Variants in BCKDHB observed in about 807,000 individuals in gnomAD.
BCKDHB encodes 2-oxoisovalerate dehydrogenase subunit beta, mitochondrial.
A neutral mutation model predicts 48.5 loss-of-function variants in BCKDHB; 41 were observed. The ratio of observed to expected loss-of-function variants is 0.85; its 90% CI spans 0.66 to 1.10. The LOEUF is 1.10. Among genes scored for constraint, BCKDHB ranks in the 50% least tolerant of loss-of-function variants. The pLI is 0.00. For synonymous variants in BCKDHB, 201 were observed against 174.8 expected (o/e 1.15, Z -1.18); for missense variants, 496 against 494.2 (o/e 1.00, Z -0.03).
At chr6:80,316,992 T>G (rs1273462756) in intron 9 of BCKDHB, among the ~76,000 whole-genome samples, 1 of 152,212 alleles carries the variant, frequency 6.6e-6, no homozygotes, top group African/African-American at 2.4e-5. Context: ...GCTGTCAACC[T>G]TTTATAAATT....
intron 8 of BCKDHB, among the ~76,000 whole-genome samples, chr6:80,246,251 C>T (rs1437351179): frequency 6.6e-6 from 1 of 152,124 alleles, no homozygotes; most frequent in Non-Finnish European, 1.5e-5. Flanking sequence ...ATGTGAGTTT[C>T]TCAGTGCATG....
At chr6:80,143,985 A>G (rs1334661593) in intron 3 of BCKDHB, among the ~76,000 whole-genome samples, 1 of 152,158 alleles carries the variant, frequency 6.6e-6, no homozygotes, top group Non-Finnish European at 1.5e-5. Context: ...AGCAGAAACA[A>G]AGAAACTTGT....
At chr6:80,279,315 A>T (rs1241334697) in intron 9 of BCKDHB, among the ~76,000 whole-genome samples, 1 of 151,718 alleles carries the variant, frequency 6.6e-6, no homozygotes, top group Non-Finnish European at 1.5e-5. Flanking sequence ...TGCCACGCCC[A>T]TCTAATTTTT....
chr6:80,417,273 A>G, the BCKDHB span, among the ~76,000 whole-genome samples: 1 of 152,016 alleles, frequency 6.6e-6, no homozygotes, highest in Non-Finnish European at 1.5e-5. Context: ...CAGAGACATT[A>G]TATCAGTGGG....
chr6:80,293,612 G>C (rs990661019), intron 9 of BCKDHB, among the ~76,000 whole-genome samples: 1 of 152,146 alleles, frequency 6.6e-6, no homozygotes, highest in Non-Finnish European at 1.5e-5. Flanking sequence ...TTAACATTGG[G>C]CTCCTTATTA....
At chr6:80,294,442 C>T (rs377186315) in intron 9 of BCKDHB, among the ~76,000 whole-genome samples, 1 of 152,174 alleles carries the variant, frequency 6.6e-6, no homozygotes, top group South Asian at 2.1e-4. Flanking sequence ...CAAGGGAAGA[C>T]AACCGTTAGG....
chr6:80,140,237 T>C (rs560852329), intron 3 of BCKDHB, among the ~76,000 whole-genome samples: 1 of 152,346 alleles, frequency 6.6e-6, no homozygotes, highest in East Asian at 1.9e-4. Flanking sequence ...TATACAATCA[T>C]GTAATCTGCA....
At position 80,107,705 on chromosome 6, in the gene BCKDHB, T is replaced by C. The variant is rs189986599; in HGVS notation, c.196+816T>C. On this transcript the variant is annotated intron_variant, in intron 1 of 9. Coordinates refer to ENST00000320393, the MANE Select transcript of BCKDHB (RefSeq NM_183050.4). ...CAGACTTTCTACTTGAGCTTAGTACTGAGCTTGTCCTGGGCTATGCTGCCA... is the reference window on the plus strand; with the variant it reads ...CAGACTTTCTACTTGAGCTTAGTACCGAGCTTGTCCTGGGCTATGCTGCCA... Among the ~76,000 whole-genome samples, 84 of 151,836 alleles carry C rather than the reference T, an allele frequency of 5.5e-4. 1 individual carries two copies. Among genetic ancestry groups the C allele is most frequent in the Middle Eastern group, 3.4e-3 (1 of 294 alleles).
chr6:80,452,465 A>C, the BCKDHB span, among the ~76,000 whole-genome samples: 1 of 152,224 alleles, frequency 6.6e-6, no homozygotes, highest in Non-Finnish European at 1.5e-5. Context: ...CAGGGGATAT[A>C]AGAATAAAAA....
chr6:80,308,533 G>T (rs1405313550), intron 9 of BCKDHB, among the ~76,000 whole-genome samples: 8 of 150,982 alleles, frequency 5.3e-5, no homozygotes, highest in African/African-American at 1.9e-4. Context: ...TAATTAAACA[G>T]TACTACTCAG....
intron 6 of BCKDHB, among the ~76,000 whole-genome samples, chr6:80,192,508 A>G (rs1773944863): frequency 6.6e-6 from 1 of 152,232 alleles, no homozygotes; most frequent in Non-Finnish European, 1.5e-5. Context: ...AACAATTGCC[A>G]GTAAAACTGG....
intron 8 of BCKDHB, among the ~76,000 whole-genome samples, chr6:80,259,897 A>T (rs369643297): frequency 6.6e-6 from 1 of 152,184 alleles, no homozygotes; most frequent in Non-Finnish European, 1.5e-5. Flanking sequence ...AGTGATGATG[A>T]GGAGATAAAT....
chr6:80,365,775 A>G, the BCKDHB span, among the ~76,000 whole-genome samples: 1 of 152,162 alleles, frequency 6.6e-6, no homozygotes, highest in Non-Finnish European at 1.5e-5. Context: ...AGACGTAAGA[A>G]ATTATAAAAG....
At chr6:80,257,329 ATATG>A (rs1229466104) in intron 8 of BCKDHB, among the ~76,000 whole-genome samples, 17 of 138,518 alleles carry the variant, frequency 1.2e-4, no homozygotes, top group African/African-American at 4.0e-4. Context: ...CTATGTGTGT[ATATG>A]TATCTATACA....
the BCKDHB span, among the ~76,000 whole-genome samples, chr6:80,464,584 G>A: frequency 6.6e-6 from 1 of 152,138 alleles, no homozygotes; most frequent in East Asian, 1.9e-4. Context: ...CCTCTCCTCA[G>A]TCTTGCCCAA....
chr6:80,452,074 C>A, the BCKDHB span, among the ~76,000 whole-genome samples: 2 of 152,136 alleles, frequency 1.3e-5, no homozygotes, highest in Non-Finnish European at 2.9e-5. Flanking sequence ...TCTTCTGAAC[C>A]CCAGGTTGCT....
chr6:80,393,666 C>T, the BCKDHB span, among the ~76,000 whole-genome samples: 1 of 152,310 alleles, frequency 6.6e-6, no homozygotes, highest in South Asian at 2.1e-4. Context: ...ATCAGCAAGC[C>T]TTCAACCACA....
intron 9 of BCKDHB, among the ~76,000 whole-genome samples, chr6:80,331,947 T>G (rs1769331166): frequency 6.6e-6 from 1 of 150,708 alleles, no homozygotes; most frequent in South Asian, 2.2e-4. Flanking sequence ...ATTGTAAGCA[T>G]GCTCATTTGG....
At chr6:80,368,364 C>A in the BCKDHB span, among the ~76,000 whole-genome samples, 1 of 152,124 alleles carries the variant, frequency 6.6e-6, no homozygotes, top group African/African-American at 2.4e-5. Context: ...GGTTTATTGA[C>A]CAAATTGAAT....
Sources: gnomAD v4.1 joint callset for allele counts (sites outside exome capture counted in the v4.1 genomes callset) on GRCh38, gnomAD v4.1.1 for gene constraint, MANE v1.5 for transcripts, NCBI Gene and HGNC (gene_info 2026-07-23, HGNC 2026-07-21) for gene names.